RBFOX1: variants seen among roughly 807,000 people sequenced by gnomAD.
RBFOX1 encodes the protein RNA binding protein fox-1 homolog 1.
A neutral mutation model predicts 57.7 loss-of-function variants in RBFOX1; 8 were observed. The observed-to-expected ratio is 0.14, with a 90% CI of 0.08 to 0.25. RBFOX1 has a LOEUF of 0.25. Among genes scored for constraint, RBFOX1 ranks in the 10% least tolerant of loss-of-function variants. The probability of loss-of-function intolerance (pLI) is 1.00; values close to 1 mark genes in which losing one functional copy is unlikely to be tolerated. For missense variants in RBFOX1, 611 were observed against 548.5 expected (o/e 1.11, Z -1.14); for synonymous variants, 326 against 222.4 (o/e 1.47, Z -4.15).
chr16:7,523,669 A>G (rs550807069), intron 5 of RBFOX1, among the ~76,000 whole-genome samples: 1 of 152,298 alleles, frequency 6.6e-6, no homozygotes. Flanking sequence ...TTTGGGGCTG[A>G]TCCTGAAGGA....
intron 3 of RBFOX1, among the ~76,000 whole-genome samples, chr16:6,912,913 C>G (rs371245662): frequency 6.6e-6 from 1 of 152,162 alleles, no homozygotes; most frequent in East Asian, 1.9e-4. Flanking sequence ...AGCCACCAAG[C>G]CCAGCCTAGA....
At chr16:7,364,417 C>T (rs2097395752) in intron 4 of RBFOX1, among the ~76,000 whole-genome samples, 1 of 152,108 alleles carries the variant, frequency 6.6e-6, no homozygotes, top group Admixed American at 6.5e-5. Flanking sequence ...GAGATGCTAG[C>T]ATTTTTTTGT....
chr16:6,819,241 C>G (rs1016456306), intron 3 of RBFOX1, among the ~76,000 whole-genome samples: 5 of 152,150 alleles, frequency 3.3e-5, no homozygotes, highest in African/African-American at 1.2e-4. Context: ...GTTGGCAATC[C>G]TGCATCATTT....
chr16:6,615,115 A>C (rs768008829), intron 2 of RBFOX1, among the ~76,000 whole-genome samples: 1 of 152,148 alleles, frequency 6.6e-6, no homozygotes, highest in Non-Finnish European at 1.5e-5. Context: ...GCTTAAGGCA[A>C]ACTCATTGTA....
intron 2 of RBFOX1, among the ~76,000 whole-genome samples, chr16:6,456,354 G>C (rs1332809176): frequency 1.3e-5 from 2 of 152,100 alleles, no homozygotes; most frequent in Non-Finnish European, 2.9e-5. Context: ...TGTCTTCCAG[G>C]CTGGAGTGCA....
chr16:6,301,408 G>T (rs1034117611), intron 1 of RBFOX1, among the ~76,000 whole-genome samples: 1 of 152,172 alleles, frequency 6.6e-6, no homozygotes, highest in African/African-American at 2.4e-5. Context: ...ATTAAGCGAT[G>T]CAGGTCTCAT....
chr16:5,825,673 C>G (rs1466992984), intron 3 of RBFOX1, among the ~76,000 whole-genome samples: 2 of 152,160 alleles, frequency 1.3e-5, no homozygotes, highest in Non-Finnish European at 2.9e-5. Flanking sequence ...GCCCCAGAAA[C>G]TTTTCATCAC....
At chr16:7,492,369 A>G (rs182540751) in intron 4 of RBFOX1, among the ~76,000 whole-genome samples, 1 of 152,298 alleles carries the variant, frequency 6.6e-6, no homozygotes, top group Non-Finnish European at 1.5e-5. Flanking sequence ...TGGTGATTGT[A>G]TTTAAATGAC....
At chr16:6,055,731 G>A (rs992866818) in intron 1 of RBFOX1, among the ~76,000 whole-genome samples, 4 of 151,930 alleles carry the variant, frequency 2.6e-5, no homozygotes, top group Non-Finnish European at 5.9e-5. Context: ...CAGAAGGAGC[G>A]ATCACCCAGC....
At chr16:6,590,464 G>T (rs1042731258) in intron 2 of RBFOX1, among the ~76,000 whole-genome samples, 2 of 152,252 alleles carry the variant, frequency 1.3e-5, no homozygotes, top group Middle Eastern at 3.4e-3. Flanking sequence ...ACAGTAGCAG[G>T]CCTGTATTTG....
At chr16:7,634,076 T>G (rs1425642876) in intron 11 of RBFOX1, among the ~76,000 whole-genome samples, 2 of 152,212 alleles carry the variant, frequency 1.3e-5, no homozygotes, top group Non-Finnish European at 2.9e-5. Flanking sequence ...TGCACAGGGC[T>G]GAGAGTCACA....
intron 1 of RBFOX1, among the ~76,000 whole-genome samples, chr16:6,130,952 C>G (rs2096625280): frequency 6.6e-6 from 1 of 152,154 alleles, no homozygotes; most frequent in Admixed American, 6.5e-5. Flanking sequence ...CAACAACTCT[C>G]TCTGATTGAA....
At chr16:7,629,197 G>A (rs1033757909) in intron 10 of RBFOX1, among the ~76,000 whole-genome samples, 8 of 152,110 alleles carry the variant, frequency 5.3e-5, no homozygotes, top group African/African-American at 7.2e-5. Flanking sequence ...TTGTCAGACC[G>A]GTAACAGGGG....
intron 3 of RBFOX1, among the ~76,000 whole-genome samples, chr16:5,848,955 C>CA (rs1011240538): frequency 3.5e-5 from 5 of 144,066 alleles, no homozygotes; most frequent in African/African-American, 9.9e-5. Context: ...TCTCAAAAAA[C>CA]AAAAAAACAA....
intron 3 of RBFOX1, among the ~76,000 whole-genome samples, chr16:6,747,977 G>A (rs1293447289): frequency 6.6e-6 from 1 of 152,130 alleles, no homozygotes; most frequent in African/African-American, 2.4e-5. Context: ...TTTCTCTTTT[G>A]AAATGCACCT....
At chr16:6,777,170 ATTT>A (rs71145293) in intron 3 of RBFOX1, among the ~76,000 whole-genome samples, 42,268 of 151,830 alleles carry the variant, frequency 0.28, 7,421 homozygotes, top group Non-Finnish European at 0.4. Context: ...TTTCTAGGGT[ATTT>A]TCTGAGCTTT....
chr16:5,889,191 G>C lies in RBFOX1; in HGVS notation c.351+21856G>C, dbSNP rs545720113. On this transcript the variant is annotated intron_variant, in intron 4 of 19. Transcript: ENST00000641259. The stretch of plus-strand genomic sequence containing the variant: ...GCTGCACAGATCAACTCATCACCTA[G>C]GTAATAAGGCCAGCATCCATTAACT... Among the ~76,000 whole-genome samples the C allele has an allele frequency of 3.9e-5, 6 of 152,268 alleles. No homozygotes were observed. The East Asian group carries it at 1.2e-3, about 29-fold the overall frequency.
intron 1 of RBFOX1, among the ~76,000 whole-genome samples, chr16:6,111,896 A>G (rs1275150849): frequency 1.3e-5 from 2 of 152,214 alleles, no homozygotes; most frequent in Non-Finnish European, 1.5e-5. Flanking sequence ...TGATATAAAT[A>G]ATCCATATAC....
chr16:5,293,193 C>T lies in RBFOX1; in HGVS notation c.219+53088C>T, dbSNP rs371501246. ...AAAATTAGCCAGGTGTGGTGGTGCA[C>T]GCCTGTAATCCCAGCTACTTGGGAG... On this transcript the variant is annotated intron_variant, in intron 1 of 2. Transcript: ENST00000585867. 4.5e-4 allele frequency among the ~76,000 whole-genome samples: 68 copies of T among 151,968 alleles called. No individual in the cohort carries two copies. The East Asian group carries it at 5.5e-3, about 12-fold the overall frequency.
Sources: gnomAD v4.1 joint callset for allele counts (sites outside exome capture counted in the v4.1 genomes callset) on GRCh38, gnomAD v4.1.1 for gene constraint, MANE v1.5 for transcripts, NCBI Gene and HGNC (gene_info 2026-07-23, HGNC 2026-07-21) for gene names.